PHACTR4: variants seen among roughly 807,000 people sequenced by gnomAD.
PHACTR4 encodes the protein protein phosphatase 1, regulatory subunit 124.
Under a neutral mutation model 72.7 loss-of-function variants are expected in PHACTR4, and 51 were observed. That is an observed-to-expected ratio of 0.70 (90% confidence interval 0.56 to 0.89). The LOEUF is 0.89. Ranked by LOEUF, PHACTR4 falls within the 40% of genes least tolerant of loss-of-function variation. The probability of loss-of-function intolerance (pLI) is 0.00; values close to 1 mark genes in which losing one functional copy is unlikely to be tolerated. For synonymous variants in PHACTR4, 255 were observed against 302.5 expected (o/e 0.84, Z 1.63); for missense variants, 731 against 861.8 (o/e 0.85, Z 1.90).
chr1:28,456,129 A>G (rs1658367373), intron 2 of PHACTR4, among the ~76,000 whole-genome samples: 1 of 152,100 alleles, frequency 6.6e-6, no homozygotes, highest in African/African-American at 2.4e-5. Context: ...AAAGAGCTTT[A>G]TTTGACTCGT....
Position 28,471,986 on chromosome 1 carries a change from C to T in PHACTR4, c.824-1568C>T, listed in dbSNP as rs552174632. 1.2e-4 allele frequency among the ~76,000 whole-genome samples: 18 copies of T among 151,908 alleles called. No homozygotes were observed. The South Asian group carries it at 3.5e-3, about 30-fold the overall frequency. ...CAGCACTTTGGGAGGCCGAGGCGGGCGGATCACGAGGTCAGGAGATTGAGA... is the reference window on the plus strand; with the variant it reads ...CAGCACTTTGGGAGGCCGAGGCGGGTGGATCACGAGGTCAGGAGATTGAGA... On this transcript the variant is annotated intron_variant, in intron 6 of 13. Coordinates refer to ENST00000373839, the MANE Select transcript of PHACTR4 (RefSeq NM_001048183.3).
chr1:28,412,812 G>A (rs1654870141), intron 2 of PHACTR4, among the ~76,000 whole-genome samples: 1 of 152,208 alleles, frequency 6.6e-6, no homozygotes, highest in Non-Finnish European at 1.5e-5. Context: ...TGGAAGTCAT[G>A]AGTAAAGTTA....
At chr1:28,372,567 A>G (rs918504970) in intron 1 of PHACTR4, among the ~76,000 whole-genome samples, 5 of 151,948 alleles carry the variant, frequency 3.3e-5, no homozygotes, top group African/African-American at 1.2e-4. Context: ...TTAATAATAA[A>G]CTGGTTGGGC....
chr1:28,428,524 T>C (rs1453111102), intron 2 of PHACTR4, among the ~76,000 whole-genome samples: 1 of 152,222 alleles, frequency 6.6e-6, no homozygotes, highest in Non-Finnish European at 1.5e-5. Context: ...TCTTTCATTT[T>C]GTGGAGCTGA....
chr1:28,471,148 G>A (rs1659535607), intron 6 of PHACTR4, among the ~76,000 whole-genome samples: 1 of 152,080 alleles, frequency 6.6e-6, no homozygotes, highest in Admixed American at 6.6e-5. Flanking sequence ...GGGAGTTCAA[G>A]ACCAGCCTGA....
At chr1:28,465,158 A>C (rs1450789968) in intron 4 of PHACTR4, among the ~76,000 whole-genome samples, 1 of 152,080 alleles carries the variant, frequency 6.6e-6, no homozygotes, top group African/African-American at 2.4e-5. Flanking sequence ...GAAGATAAGA[A>C]AGGTTAGAAA....
chr1:28,465,559 T>C, intron 4 of PHACTR4, 126 bp from the exon 5 acceptor site: 1 of 972,800 alleles, frequency 1.0e-6, no homozygotes, highest in South Asian at 1.7e-5. Context: ...AAGACCAGCC[T>C]GGGCAACATA....
Position 28,377,127 on chromosome 1 carries a change from G to A in PHACTR4, c.-39+7302G>A, listed in dbSNP as rs190537068. Among the ~76,000 whole-genome samples the A allele has an allele frequency of 3.4e-3, 518 of 151,386 alleles. 5 individuals carry two copies. Among genetic ancestry groups the A allele is most frequent in the African/African-American group, 0.011 (467 of 41,270 alleles). ...GTATTTTTAGTAGAGACAGGGTTTCGCCATGTTGGCCAGGCTGGTCCTGAG... is the reference window on the plus strand; with the variant it reads ...GTATTTTTAGTAGAGACAGGGTTTCACCATGTTGGCCAGGCTGGTCCTGAG... On this transcript the variant is annotated intron_variant, in intron 1 of 13. Transcript: ENST00000373839.
intron 3 of PHACTR4, among the ~76,000 whole-genome samples, chr1:28,459,714 T>C (rs1570023884): frequency 1.3e-5 from 2 of 152,132 alleles, no homozygotes; most frequent in South Asian, 2.1e-4. Flanking sequence ...AGTTTAATCT[T>C]TTAGAATTAA....
At chr1:28,482,381 C>T (rs187298259) in intron 9 of PHACTR4, among the ~76,000 whole-genome samples, 210 of 152,200 alleles carry the variant, frequency 1.4e-3, no homozygotes, top group African/African-American at 4.5e-3. Context: ...TCATATGTTC[C>T]GTGTAACTGC....
chr1:28,480,630 A>C, intron 9 of PHACTR4, 26 bp downstream of exon 9: 2 of 1,612,586 alleles, frequency 1.2e-6, no homozygotes, highest in Non-Finnish European at 8.5e-7. Flanking sequence ...GATTTGCTTG[A>C]TTGATTTGGT....
chr1:28,407,120 A>G (rs887503284), intron 1 of PHACTR4, among the ~76,000 whole-genome samples: 3 of 152,046 alleles, frequency 2.0e-5, no homozygotes, highest in East Asian at 1.9e-4. Flanking sequence ...CTGTATCTCA[A>G]TTCCCCTAAA....
intron 1 of PHACTR4, among the ~76,000 whole-genome samples, chr1:28,379,844 C>T (rs1652010479): frequency 6.6e-6 from 1 of 151,674 alleles, no homozygotes; most frequent in South Asian, 2.1e-4. Flanking sequence ...CCGCCTCGGC[C>T]TCCCAAAGTG....
intron 1 of PHACTR4, among the ~76,000 whole-genome samples, chr1:28,400,311 T>G (rs1426916480): frequency 6.6e-6 from 1 of 151,034 alleles, no homozygotes; most frequent in African/African-American, 2.4e-5. Flanking sequence ...AGTCGGAGGT[T>G]GCAGTGAGCC....
At chr1:28,491,571 ACT>A (rs1410583003) in intron 11 of PHACTR4, 77 bp from the exon 12 acceptor site, 2 of 1,580,798 alleles carry the variant, frequency 1.3e-6, no homozygotes, top group Non-Finnish European at 8.7e-7. Context: ...AGATTGAAGC[ACT>A]GGGTTAGAGG....
At chr1:28,463,120 G>A (rs982466726) in intron 4 of PHACTR4, among the ~76,000 whole-genome samples, 8 of 152,000 alleles carry the variant, frequency 5.3e-5, no homozygotes, top group African/African-American at 1.7e-4. Flanking sequence ...GATGGCTTGA[G>A]CCCAGAAGAT....
intron 1 of PHACTR4, among the ~76,000 whole-genome samples, chr1:28,380,096 G>T (rs1192224606): frequency 1.7e-5 from 2 of 115,320 alleles, no homozygotes; most frequent in Non-Finnish European, 3.3e-5. Flanking sequence ...TCGCTCTGTC[G>T]CCCAGGCTGG....
intron 2 of PHACTR4, among the ~76,000 whole-genome samples, chr1:28,449,506 G>A (rs529980084): frequency 5.3e-5 from 8 of 152,052 alleles, no homozygotes; most frequent in African/African-American, 1.9e-4. Context: ...TACTTTATCC[G>A]AAGATGAAAG....
intron 1 of PHACTR4, among the ~76,000 whole-genome samples, chr1:28,397,591 A>G (rs1310110344): frequency 6.6e-6 from 1 of 152,186 alleles, no homozygotes; most frequent in African/African-American, 2.4e-5. Flanking sequence ...GACGGTTTCC[A>G]TCTGAGTAGA....
Sources: allele counts gnomAD v4.1 joint callset (sites outside exome capture counted in the v4.1 genomes callset), GRCh38; gene constraint gnomAD v4.1.1; transcripts MANE v1.5; gene names NCBI Gene and HGNC (gene_info 2026-07-23, HGNC 2026-07-21).